The following GPR141 variants were observed in gnomAD, a reference collection of about 807,000 sequenced individuals.
The protein encoded by GPR141 is G protein-coupled receptor 141, also known as probable G protein-coupled receptor 141.
Under a neutral mutation model 6.8 loss-of-function variants are expected in GPR141, and 6 were observed. The observed-to-expected ratio is 0.88, with a 90% CI of 0.48 to 1.74. GPR141 has a LOEUF of 1.74. Among genes scored for constraint, GPR141 ranks in the 40% most tolerant of loss-of-function variants. The pLI is 0.01. For missense variants in GPR141, 372 were observed against 372.9 expected, an observed-to-expected ratio of 1.00 and a Z score of 0.02; for synonymous variants, 140 against 142.3, an observed-to-expected ratio of 0.98 and a Z score of 0.11.
At chr7:37,699,504 T>C (rs907995642) in intron 2 of GPR141, among the ~76,000 whole-genome samples, 5 of 152,158 alleles carry the variant, frequency 3.3e-5, no homozygotes, top group African/African-American at 1.2e-4. Context: ...GAGCTTGCAG[T>C]GAGCTGAGAT....
intron 2 of GPR141, among the ~76,000 whole-genome samples, chr7:37,729,082 G>A (rs1020513298): frequency 3.3e-5 from 5 of 152,166 alleles, no homozygotes; most frequent in East Asian, 1.9e-4. Flanking sequence ...GTCACAGCTC[G>A]AGGCTGAAGG....
chr7:37,711,147 G>T (rs1810775879), intron 2 of GPR141, among the ~76,000 whole-genome samples: 1 of 152,162 alleles, frequency 6.6e-6, no homozygotes, highest in Non-Finnish European at 1.5e-5. Context: ...AAGGTGACTT[G>T]CTCAAGGTGA....
intron 2 of GPR141, among the ~76,000 whole-genome samples, chr7:37,728,043 C>T (rs908231884): frequency 6.6e-6 from 1 of 152,184 alleles, no homozygotes; most frequent in East Asian, 1.9e-4. Context: ...TTCTCTTTCC[C>T]TGGAGTGCTT....
rs180973752 is a variant in GPR141, at chr7:37,740,051, A to G, written c.-14-329A>G. Among the ~76,000 whole-genome samples, 711 of 152,284 alleles carry G rather than the reference A, an allele frequency of 4.7e-3. 4 individuals are homozygous for G. The highest frequency in any genetic ancestry group is 6.9e-3 in the Non-Finnish European group (471 of 68,022). On this transcript the variant is annotated intron_variant, in intron 2 of 2. Transcript: ENST00000334425. ...TCACAACTTTTTAAAGGGTTACTGT[A>G]GTACTAGTATCCAAGTACTAGCTCC...
At chr7:37,733,858 T>C (rs1057435895) in intron 2 of GPR141, among the ~76,000 whole-genome samples, 3 of 152,114 alleles carry the variant, frequency 2.0e-5, no homozygotes, top group Non-Finnish European at 4.4e-5. Context: ...ACTTCATACG[T>C]TGGATATTTA....
At chr7:37,730,343 G>A (rs1019191427) in intron 2 of GPR141, among the ~76,000 whole-genome samples, 1 of 152,156 alleles carries the variant, frequency 6.6e-6, no homozygotes, top group Non-Finnish European at 1.5e-5. Flanking sequence ...AATAACAAGT[G>A]TATCTCAAAC....
intron 2 of GPR141, among the ~76,000 whole-genome samples, chr7:37,738,965 C>A (rs1015642128): frequency 6.6e-6 from 1 of 152,064 alleles, no homozygotes; most frequent in Non-Finnish European, 1.5e-5. Flanking sequence ...CCCTAATTGT[C>A]TCTCCCCACT....
At chr7:37,688,435 AAAATAAATAAAT>A (rs371334926) in intron 2 of GPR141, among the ~76,000 whole-genome samples, 1 of 152,048 alleles carries the variant, frequency 6.6e-6, no homozygotes, top group African/African-American at 2.4e-5. Context: ...TCCATTTGAG[AAAATAAATAAAT>A]AAATAAATAA....
At chr7:37,711,245 ACT>A (rs1418222470) in intron 2 of GPR141, among the ~76,000 whole-genome samples, 1 of 152,074 alleles carries the variant, frequency 6.6e-6, no homozygotes, top group Non-Finnish European at 1.5e-5. Flanking sequence ...CACCCCAGAG[ACT>A]CTGTTTCAAC....
chr7:37,711,877 G>A lies in GPR141; in HGVS notation c.-15+26294G>A, dbSNP rs573048185. ...GAGTACACTGATTCGCTCGAGTAAC[G>A]GCTTCCAGGTTTAATTTGTTGCAGC... On this transcript the variant is annotated intron_variant, in intron 2 of 2. Transcript: ENST00000334425. Among the ~76,000 whole-genome samples, 13 of 152,252 alleles carry A rather than the reference G, an allele frequency of 8.5e-5. 1 individual carries two copies. The highest frequency in any genetic ancestry group is 6.2e-4 in the South Asian group (3 of 4,824).
At chr7:37,690,820 G>C (rs1168299924) in intron 2 of GPR141, among the ~76,000 whole-genome samples, 1 of 151,464 alleles carries the variant, frequency 6.6e-6, no homozygotes, top group African/African-American at 2.4e-5. Flanking sequence ...GTAAATATCA[G>C]TTAGGTATAT....
At chr7:37,696,947 T>A (rs1379635653) in intron 2 of GPR141, among the ~76,000 whole-genome samples, 1 of 152,096 alleles carries the variant, frequency 6.6e-6, no homozygotes, top group East Asian at 1.9e-4. Flanking sequence ...AAAATAGAAA[T>A]GATTTTACCT....
intron 2 of GPR141, among the ~76,000 whole-genome samples, chr7:37,734,503 C>CA (rs1812137416): frequency 6.6e-6 from 1 of 152,188 alleles, no homozygotes; most frequent in Admixed American, 6.5e-5. Flanking sequence ...AAAACATGCA[C>CA]AGTCCTTGTC....
rs142773668 is a variant in GPR141 at position 37,709,289 on chromosome 7, TGTGCATACAGG to T, written c.-15+23709_-15+23719del. Among the ~76,000 whole-genome samples the T allele has an allele frequency of 5.1e-3, 777 of 152,382 alleles. 7 individuals carry two copies. The highest frequency in any genetic ancestry group is 0.018 in the African/African-American group (731 of 41,590). On this transcript the variant is annotated intron_variant, in intron 2 of 2. Transcript: ENST00000334425. The stretch of plus-strand genomic sequence containing the variant: ...TTGGATTATTTGGTAAAGATCATAG[TGTGCATACAGG>T]GTTGTCTTCTTTATCACAGAAATTT...
intron 2 of GPR141, among the ~76,000 whole-genome samples, chr7:37,722,789 A>T (rs190294220): frequency 1.3e-3 from 195 of 152,232 alleles, no homozygotes; most frequent in African/African-American, 4.3e-3. Flanking sequence ...TACTAGCAAA[A>T]AACATGGTTT....
intron 2 of GPR141, among the ~76,000 whole-genome samples, chr7:37,720,452 A>C (rs1309418652): frequency 6.6e-6 from 1 of 152,204 alleles, no homozygotes; most frequent in Non-Finnish European, 1.5e-5. Flanking sequence ...CAAAAAGGAA[A>C]AGAAATTAGG....
chr7:37,691,018 A>G (rs941986033), intron 2 of GPR141, among the ~76,000 whole-genome samples: 4 of 152,064 alleles, frequency 2.6e-5, no homozygotes, highest in Non-Finnish European at 5.9e-5. Context: ...TATATTTGCA[A>G]TTGGTGTGTT....
chr7:37,734,718 C>G (rs1812148902), intron 2 of GPR141, among the ~76,000 whole-genome samples: 1 of 152,176 alleles, frequency 6.6e-6, no homozygotes, highest in Non-Finnish European at 1.5e-5. Flanking sequence ...CCAAGTAGAT[C>G]TTACCTAGTA....
chr7:37,738,677 G>A (rs1340151174), intron 2 of GPR141, among the ~76,000 whole-genome samples: 1 of 151,636 alleles, frequency 6.6e-6, no homozygotes, highest in East Asian at 1.9e-4. Context: ...TTTCATTGAG[G>A]TATAAGTTAT....
Sources: gnomAD v4.1 joint callset for allele counts (sites outside exome capture counted in the v4.1 genomes callset) on GRCh38, gnomAD v4.1.1 for gene constraint, MANE v1.5 for transcripts, NCBI Gene and HGNC (gene_info 2026-07-23, HGNC 2026-07-21) for gene names.